The following COL4A1 variants were observed in gnomAD, a reference collection of about 807,000 sequenced individuals.
The protein encoded by COL4A1 is collagen alpha-1(IV) chain.
In COL4A1, 40 loss-of-function variants were observed where a neutral mutation model predicts 216.6. That is an observed-to-expected ratio of 0.18 (90% CI 0.14 to 0.24). COL4A1 has a LOEUF of 0.24. COL4A1 is among the 10% of genes least tolerant of loss of function. The pLI is 1.00. For missense variants in COL4A1, 1,628 were observed against 2,196.8 expected (o/e 0.74, Z 5.18); for synonymous variants, 839 against 810.7 (o/e 1.03, Z -0.59).
intron 1 of COL4A1, among the ~76,000 whole-genome samples, chr13:110,251,719 A>C (rs1882080703): frequency 1.3e-5 from 2 of 152,164 alleles, no homozygotes. Flanking sequence ...CGGCGAGAAC[A>C]GGCTGCCAGA....
intron 51 of COL4A1, among the ~76,000 whole-genome samples, chr13:110,151,374 A>C (rs996021685): frequency 6.6e-6 from 1 of 152,154 alleles, no homozygotes; most frequent in Non-Finnish European, 1.5e-5. Context: ...AGGCATGAAC[A>C]AAGTGCGCTC....
rs2138417695 is a variant in COL4A1, at chr13:110,152,512, G to C, written c.4756-6C>G. On this transcript the variant is annotated splice_region_variant and splice_polypyrimidine_tract_variant and intron_variant, in intron 50 of 51. Coordinates refer to ENST00000375820, the MANE Select transcript of COL4A1 (RefSeq NM_001845.6). ...TCTGCACCAGCGCTGGTGTGCTGCA[G>C]AACAGATGCGAGCCGTGAGTCAGAG... 1 of 1,607,696 alleles carries C rather than the reference G, an allele frequency of 6.2e-7. No homozygotes were observed. The highest frequency in any genetic ancestry group is 2.2e-5 in the East Asian group (1 of 44,832).
Position 110,150,118 on chromosome 13 carries a change from ATATTT to A in COL4A1, c.*240_*244del, listed in dbSNP as rs1876429416. The A allele has an allele frequency of 5.5e-6, 3 of 545,254 alleles. No homozygotes were observed. The South Asian group carries it at 5.9e-5, about 11-fold the overall frequency. The allele number at this position is 545,254 out of a possible 1,614,324, so 33.8% of individuals were successfully genotyped here. ...GTGCATTGGATTGCAGAAAATATTG[ATATTT>A]TATTTCATCAAAAGTGCCATTTGGT... On this transcript the variant is annotated 3_prime_UTR_variant, in exon 52 of 52. Transcript: ENST00000375820.
rs758399067 is a variant in COL4A1, at chr13:110,306,982, G to C, written c.46C>G (p.Leu16Val). 2.0e-6 allele frequency: 3 copies of C among 1,477,514 alleles called. No individual in the cohort carries two copies. The highest frequency in any genetic ancestry group is 1.3e-5 in the South Asian group (1 of 77,948). The allele number at this position is 1,477,514 out of a possible 1,614,324, so 91.5% of individuals were successfully genotyped here. ...CGGCTGTGCTCCTCGTGGAGCAGAA[G>C]GGCGGCGGGCAGCAGCAGCAGCCAG... ...SVWLLLLPAA[L>V]LLHEEHSRAA... The change falls in exon 1 of 52, where the codon CTT (leucine) becomes GTT (valine). Residue 16 changes from leucine (L) to valine (V), a missense_variant. Coordinates refer to ENST00000375820, the MANE Select transcript of COL4A1 (RefSeq NM_001845.6).
rs7995598 is a variant in COL4A1 at position 110,239,756 on chromosome 13, A to C, written c.144+2919T>G. Among the ~76,000 whole-genome samples the C allele has an allele frequency of 1.2e-4, 18 of 152,176 alleles. No individual in the cohort carries two copies. In the East Asian group the frequency reaches 2.5e-3, roughly 21 times the overall value. On this transcript the variant is annotated intron_variant, in intron 2 of 51. Transcript: ENST00000375820. ...GGTAGAAGGTGGCAGCCACTGAGGA[A>C]GATCCACTTCTTCTCTTGACCTGCC...
At chr13:110,214,050 G>A in intron 2 of COL4A1, 35 bp from the exon 3 acceptor site, 1 of 1,572,374 alleles carries the variant, frequency 6.4e-7, no homozygotes, top group Non-Finnish European at 8.8e-7. Context: ...GCAAAAGGCA[G>A]CAGTAAAGAA....
intron 1 of COL4A1, among the ~76,000 whole-genome samples, chr13:110,249,648 G>A (rs754880): frequency 0.49 from 74,802 of 151,958 alleles, 18,722 homozygotes; most frequent in East Asian, 0.68. Context: ...GTTCTGGTCC[G>A]TAGTCTGGGT....
chr13:110,219,828 G>GTATATA (rs1280363456), intron 2 of COL4A1, among the ~76,000 whole-genome samples: 5 of 69,656 alleles, frequency 7.2e-5, no homozygotes, highest in Admixed American at 3.6e-4. Flanking sequence ...GTATATATAT[G>GTATATA]TATGTATGTA....
At position 110,174,046 on chromosome 13, in the gene COL4A1, C is replaced by T. The variant is rs76380326; in HGVS notation, c.3407-48G>A. Reference sequence around the variant, plus strand: ...GACACCCGCATAACCTCTCACAGCACCCTAGCTGCCATACAAAATGGCCCT... The same window carrying T: ...GACACCCGCATAACCTCTCACAGCATCCTAGCTGCCATACAAAATGGCCCT... On this transcript the variant is annotated intron_variant, in intron 39 of 51. Transcript: ENST00000375820. The T allele has an allele frequency of 5.7e-3, 9,180 of 1,597,088 alleles. 471 individuals are homozygous for T. In the African/African-American group the frequency reaches 0.11, roughly 19 times the overall value.
At position 110,219,848 on chromosome 13, in the gene COL4A1, A is replaced by ATATATGTG. The variant is rs1566385753; in HGVS notation, c.145-5834_145-5833insCACATATA. On this transcript the variant is annotated intron_variant, in intron 2 of 51. Coordinates refer to ENST00000375820, the MANE Select transcript of COL4A1 (RefSeq NM_001845.6). Reference sequence around the variant, plus strand: ...TATATGTATGTATGTATATATGTGTATATATATGTATATATGTGTGTGTAT... The same window carrying ATATATGTG: ...TATATGTATGTATGTATATATGTGTATATATGTGTATATATGTATATATGTGTGTGTAT... Among the ~76,000 whole-genome samples, 71 of 74,802 alleles carry ATATATGTG rather than the reference A, an allele frequency of 9.5e-4. 3 individuals are homozygous for ATATATGTG. Among genetic ancestry groups the ATATATGTG allele is most frequent in the Non-Finnish European group, 1.0e-3 (36 of 35,808 alleles). 49.1% of individuals were successfully genotyped at this position (74,802 alleles called of 152,430 possible).
In COL4A1 at chr13:110,211,948, ATAC is replaced by A. The variant is rs745834510; in HGVS notation, c.388-29_388-27del. 12 of 1,611,998 alleles carry A rather than the reference ATAC, an allele frequency of 7.4e-6. No homozygotes were observed. Among genetic ancestry groups the A allele is most frequent in the African/African-American group, 1.3e-5 (1 of 74,894 alleles). On this transcript the variant is annotated intron_variant, in intron 6 of 51. Coordinates refer to ENST00000375820, the MANE Select transcript of COL4A1 (RefSeq NM_001845.6). This position sits in a 1 kb window ranked among gnomAD's most constrained non-coding sequence, Gnocchi z 4.3. The stretch of plus-strand genomic sequence containing the variant: ...CTGGGGAGACAGCAGAGCATCATTC[ATAC>A]GCACTGTGTGTGGCAGACACATCAG...
chr13:110,202,643 C>T (rs1041088885), intron 18 of COL4A1, among the ~76,000 whole-genome samples: 2 of 152,106 alleles, frequency 1.3e-5, no homozygotes, highest in African/African-American at 4.8e-5. Context: ...GTAACATTTT[C>T]ATTATTTCAA....
chr13:110,228,239 G>GC (rs1483982588), intron 2 of COL4A1, among the ~76,000 whole-genome samples: 1 of 59,214 alleles, frequency 1.7e-5, no homozygotes, highest in Non-Finnish European at 5.6e-5. Context: ...TGCGGGGGCG[G>GC]GGGGGGGGTC....
intron 1 of COL4A1, among the ~76,000 whole-genome samples, chr13:110,251,387 G>A (rs1447507051): frequency 6.6e-6 from 1 of 152,274 alleles, no homozygotes; most frequent in East Asian, 1.9e-4. Context: ...CAGCAGGCCT[G>A]TGCCAGGCAC....
chr13:110,177,137 G>A, intron 33 of COL4A1, 100 bp from the exon 34 acceptor site: 1 of 1,570,724 alleles, frequency 6.4e-7, no homozygotes, highest in African/African-American at 1.3e-5. Context: ...CTGGCAAAAA[G>A]GCTACAAAGC....
chr13:110,175,438 C>A (rs1383935563), intron 36 of COL4A1, 81 bp from the exon 37 acceptor site: 1 of 1,583,264 alleles, frequency 6.3e-7, no homozygotes, highest in African/African-American at 1.3e-5. Context: ...CCACAGCCAG[C>A]CAAGAATGAG....
At chr13:110,253,620 T>A (rs60777435) in intron 1 of COL4A1, among the ~76,000 whole-genome samples, 7 of 121,328 alleles carry the variant, frequency 5.8e-5, no homozygotes, top group African/African-American at 8.3e-5. Flanking sequence ...TTACATATAC[T>A]TATAATTATA....
intron 20 of COL4A1, among the ~76,000 whole-genome samples, chr13:110,200,232 A>T (rs1228915627): frequency 2.6e-5 from 4 of 152,040 alleles, no homozygotes; most frequent in African/African-American, 7.3e-5. Context: ...GCACACGCAC[A>T]CACGTGGACA....
At chr13:110,219,677 T>TA (rs1880288260) in intron 2 of COL4A1, among the ~76,000 whole-genome samples, 1 of 70,840 alleles carries the variant, frequency 1.4e-5, no homozygotes, top group Non-Finnish European at 3.0e-5. Context: ...TATATATATA[T>TA]GTGTATATAT....
Sources: gnomAD v4.1 joint callset for allele counts (sites outside exome capture counted in the v4.1 genomes callset) on GRCh38, gnomAD v4.1.1 for gene constraint, Gnocchi (gnomAD v3.1) non-coding constraint, MANE v1.5 for transcripts, NCBI Gene and HGNC (gene_info 2026-07-23, HGNC 2026-07-21) for gene names.